PTPN13: variants seen among roughly 807,000 people sequenced by gnomAD.
The protein encoded by PTPN13 is protein tyrosine phosphatase non-receptor type 13, also known as tyrosine-protein phosphatase non-receptor type 13.
A neutral mutation model predicts 284.0 loss-of-function variants in PTPN13; 191 were observed. The ratio of observed to expected loss-of-function variants is 0.67; its 90% CI spans 0.60 to 0.76. The LOEUF is 0.76. Among genes scored for constraint, PTPN13 ranks in the 30% least tolerant of loss-of-function variants. PTPN13 has a pLI of 0.00. For missense variants in PTPN13, 2,797 were observed against 2,939.9 expected, an observed-to-expected ratio of 0.95 and a Z score of 1.12; for synonymous variants, 986 against 1,022.3, an observed-to-expected ratio of 0.96 and a Z score of 0.68.
At position 86,686,693 on chromosome 4, in the gene PTPN13, A is replaced by T. The variant is rs1040122639; in HGVS notation, c.295-17A>T. ...GTATTTTATCATAAAATTATTTCTTAAAAATTCTATTCCTAGATCCACATT... is the reference window on the plus strand; with the variant it reads ...GTATTTTATCATAAAATTATTTCTTTAAAATTCTATTCCTAGATCCACATT... On this transcript the variant is annotated splice_polypyrimidine_tract_variant and intron_variant, in intron 3 of 47. Coordinates refer to ENST00000411767, the MANE Select transcript of PTPN13 (RefSeq NM_080683.3). 1.3e-6 allele frequency: 2 copies of T among 1,481,930 alleles called. No homozygotes were observed. The highest frequency in any genetic ancestry group is 2.8e-5 in the African/African-American group (2 of 70,840). The allele number at this position is 1,481,930 out of a possible 1,614,324, so 91.8% of individuals were successfully genotyped here. A position where few individuals can be genotyped will look rare whatever the true frequency, so the allele number is the denominator to read the frequency against.
intron 10 of PTPN13, among the ~76,000 whole-genome samples, chr4:86,723,100 T>C (rs998000988): frequency 2.0e-5 from 3 of 152,234 alleles, no homozygotes; most frequent in Admixed American, 6.5e-5. Context: ...ATGTAAAATA[T>C]CTTAAATGTT....
At chr4:86,768,433 G>A (rs1578621301) in intron 28 of PTPN13, among the ~76,000 whole-genome samples, 1 of 152,266 alleles carries the variant, frequency 6.6e-6, no homozygotes, top group East Asian at 1.9e-4. Flanking sequence ...CCTTTGGACA[G>A]ATCACTAATT....
intron 3 of PTPN13, among the ~76,000 whole-genome samples, chr4:86,678,192 A>C (rs900047601): frequency 2.0e-4 from 31 of 152,220 alleles, no homozygotes; most frequent in African/African-American, 7.5e-4. Context: ...TTTTAAAATT[A>C]GAAAATAACA....
intron 2 of PTPN13, among the ~76,000 whole-genome samples, chr4:86,653,746 T>C (rs1725387279): frequency 6.6e-6 from 1 of 152,170 alleles, no homozygotes; most frequent in Non-Finnish European, 1.5e-5. Flanking sequence ...GAAACCTTTA[T>C]TTGTATTATT....
At chr4:86,787,235 A>G (rs757723585) in intron 40 of PTPN13, among the ~76,000 whole-genome samples, 24 of 151,826 alleles carry the variant, frequency 1.6e-4, no homozygotes, top group Non-Finnish European at 2.9e-4. Context: ...TCTTTTTTTT[A>G]TTATTTTCAT....
chr4:86,780,849 A>C (rs546713862), intron 36 of PTPN13, among the ~76,000 whole-genome samples: 2 of 152,376 alleles, frequency 1.3e-5, no homozygotes, highest in South Asian at 4.1e-4. Flanking sequence ...GTTCTGAATT[A>C]AATAAGCCAG....
At position 86,800,649 on chromosome 4, in the gene PTPN13, CAGAA is replaced by C. The variant is rs1156782499; in HGVS notation, c.6505+1457_6505+1460del. Among the ~76,000 whole-genome samples, 8 of 114,206 alleles carry C rather than the reference CAGAA, an allele frequency of 7.0e-5. No homozygotes were observed. The East Asian group carries it at 2.1e-3, about 30-fold the overall frequency. 74.9% of individuals were successfully genotyped at this position (114,206 alleles called of 152,430 possible). A position where few individuals can be genotyped will look rare whatever the true frequency, so the allele number is the denominator to read the frequency against. ...CCTGGGTGATAGAGTGAGATCCTGT[CAGAA>C]AGAAAGAAAGAGAGAGAGAGAAAGA... On this transcript the variant is annotated intron_variant, in intron 42 of 47. Transcript: ENST00000411767.
intron 4 of PTPN13, among the ~76,000 whole-genome samples, chr4:86,687,732 C>G (rs1729598457): frequency 6.6e-6 from 1 of 151,904 alleles, no homozygotes; most frequent in Admixed American, 6.6e-5. Flanking sequence ...ATATTGGTGT[C>G]ATATATTATG....
chr4:86,745,974 G>A lies in PTPN13; in HGVS notation c.2650+846G>A, dbSNP rs532088487. On this transcript the variant is annotated intron_variant, in intron 17 of 47. Coordinates refer to ENST00000411767, the MANE Select transcript of PTPN13 (RefSeq NM_080683.3). ...TGAGGGAAAAAACACAGGAAACAAGGCAGAGGATGGGGGAAGTATGCACCC... is the reference window on the plus strand; with the variant it reads ...TGAGGGAAAAAACACAGGAAACAAGACAGAGGATGGGGGAAGTATGCACCC... Among the ~76,000 whole-genome samples the A allele has an allele frequency of 2.0e-5, 3 of 152,208 alleles. No individual in the cohort carries two copies. In the South Asian group the frequency reaches 6.2e-4, roughly 32 times the overall value.
At chr4:86,634,319 AC>A (rs1474205912) in intron 1 of PTPN13, among the ~76,000 whole-genome samples, 1 of 152,208 alleles carries the variant, frequency 6.6e-6, no homozygotes, top group Non-Finnish European at 1.5e-5. Flanking sequence ...ACTCTAAAGA[AC>A]AATTTTCAAG....
At chr4:86,802,476 A>G (rs1390680310) in intron 42 of PTPN13, among the ~76,000 whole-genome samples, 1 of 152,132 alleles carries the variant, frequency 6.6e-6, no homozygotes, top group Non-Finnish European at 1.5e-5. Flanking sequence ...ATATGAGTCA[A>G]GAGAAGCAAA....
chr4:86,767,778 A>G (rs373454821), intron 27 of PTPN13, 39 bp from the exon 28 acceptor site: 48 of 1,425,348 alleles, frequency 3.4e-5, no homozygotes, highest in Middle Eastern at 1.8e-4. Context: ...TTTTCTTAGC[A>G]TTCTTCTTAA....
At chr4:86,697,832 T>G (rs1316320115) in intron 6 of PTPN13, among the ~76,000 whole-genome samples, 1 of 152,090 alleles carries the variant, frequency 6.6e-6, no homozygotes, top group African/African-American at 2.4e-5. Flanking sequence ...TGATATCCAG[T>G]GTAGGATAAT....
chr4:86,788,228 G>A (rs1009702246), intron 40 of PTPN13, among the ~76,000 whole-genome samples: 2 of 152,128 alleles, frequency 1.3e-5, no homozygotes, highest in Non-Finnish European at 1.5e-5. Flanking sequence ...TTGCAAATAT[G>A]ACTAATCTCC....
intron 45 of PTPN13, 28 bp downstream of exon 45, chr4:86,807,925 G>T: frequency 6.4e-7 from 1 of 1,571,996 alleles, no homozygotes; most frequent in East Asian, 2.2e-5. Flanking sequence ...TTCCCTGTTG[G>T]AAGGTGTATC....
At chr4:86,768,619 AAC>A (rs1739599935) in intron 28 of PTPN13, among the ~76,000 whole-genome samples, 1 of 152,194 alleles carries the variant, frequency 6.6e-6, no homozygotes, top group Non-Finnish European at 1.5e-5. Context: ...GAGAAAAAAT[AAC>A]ACAGACTATA....
intron 42 of PTPN13, among the ~76,000 whole-genome samples, chr4:86,802,144 T>TGTG (rs1468133098): frequency 2.2e-4 from 31 of 140,918 alleles, no homozygotes; most frequent in East Asian, 6.5e-4. Context: ...GATCAAGATT[T>TGTG]TAGTGTGTGT....
At chr4:86,812,046 C>G (rs1745262779) in intron 47 of PTPN13, among the ~76,000 whole-genome samples, 1 of 152,094 alleles carries the variant, frequency 6.6e-6, no homozygotes, top group Non-Finnish European at 1.5e-5. Context: ...CGCGGTGGCT[C>G]ACGCCTGTAA....
intron 2 of PTPN13, among the ~76,000 whole-genome samples, chr4:86,659,480 A>C (rs1293834521): frequency 6.6e-6 from 1 of 152,212 alleles, no homozygotes; most frequent in Non-Finnish European, 1.5e-5. Flanking sequence ...ATTTTAAATA[A>C]ATTAAAAACT....
Sources: allele counts gnomAD v4.1 joint callset (sites outside exome capture counted in the v4.1 genomes callset), GRCh38; gene constraint gnomAD v4.1.1; transcripts MANE v1.5; gene names NCBI Gene and HGNC (gene_info 2026-07-23, HGNC 2026-07-21).